Variants in MED13L observed in about 807,000 individuals in gnomAD.
MED13L encodes mediator complex subunit 13L.
In MED13L, 7 loss-of-function variants were observed where a neutral mutation model predicts 220.9. The observed-to-expected ratio is 0.03, with a 90% CI of 0.02 to 0.06. MED13L has a LOEUF of 0.06. MED13L is among the 10% of genes least tolerant of loss of function. The probability of loss-of-function intolerance (pLI) is 1.00; values close to 1 mark genes in which losing one functional copy is unlikely to be tolerated. For missense variants in MED13L, 1,965 were observed against 2,760.5 expected, an observed-to-expected ratio of 0.71 and a Z score of 6.46; for synonymous variants, 1,011 against 1,015.2, an observed-to-expected ratio of 1.00 and a Z score of 0.08.
chr12:116,273,561 C>CA (rs1026376211), intron 1 of MED13L, among the ~76,000 whole-genome samples: 2 of 146,820 alleles, frequency 1.4e-5, no homozygotes, highest in African/African-American at 4.9e-5. Flanking sequence ...TCCCTTAAGA[C>CA]AAAAAGAAAG....
In MED13L at chr12:116,237,592, G is replaced by A; in HGVS notation, c.186C>T (p.Arg62=). ...CACAAAGCAGGTTAGCTTGCAGACA[G>A]CGGATGAAACTTAACAGAATTGGAT... ...QDDPILLSFI[R]CLQANLLCVW... Residue 62 remains arginine (R), a synonymous_variant, in exon 2 of 31, where the codon CGC becomes CGT. Coordinates refer to ENST00000281928, the MANE Select transcript of MED13L (RefSeq NM_015335.5). The A allele has an allele frequency of 2.5e-6, 4 of 1,614,158 alleles. No homozygotes were observed. Among genetic ancestry groups the A allele is most frequent in the Non-Finnish European group, 3.4e-6 (4 of 1,180,030 alleles).
chr12:116,049,592 A>C (rs543412111), intron 4 of MED13L, among the ~76,000 whole-genome samples: 14 of 152,360 alleles, frequency 9.2e-5, no homozygotes, highest in African/African-American at 3.4e-4. Context: ...CCTCGAATTT[A>C]CACTTCTGAA....
intron 3 of MED13L, among the ~76,000 whole-genome samples, chr12:116,109,475 T>C (rs1199606369): frequency 6.6e-6 from 1 of 152,128 alleles, no homozygotes; most frequent in Admixed American, 6.5e-5. Context: ...AAGAATGTAA[T>C]TCATTTTCGC....
chr12:116,227,451 G>A (rs555660125), intron 2 of MED13L, among the ~76,000 whole-genome samples: 8 of 152,244 alleles, frequency 5.3e-5, no homozygotes, highest in East Asian at 1.9e-4. Flanking sequence ...GCCTATCAGC[G>A]CCATTTTTCA....
At chr12:115,966,647 G>A (rs1007093330) in intron 28 of MED13L, among the ~76,000 whole-genome samples, 2 of 152,188 alleles carry the variant, frequency 1.3e-5, no homozygotes, top group African/African-American at 4.8e-5. Flanking sequence ...CCAGGACAAT[G>A]TGACACCAGT....
intron 2 of MED13L, among the ~76,000 whole-genome samples, chr12:116,202,260 C>T (rs1358428085): frequency 6.6e-6 from 1 of 152,146 alleles, no homozygotes; most frequent in East Asian, 1.9e-4. Flanking sequence ...CTCTGAAATC[C>T]ATATTCAGTA....
intron 4 of MED13L, among the ~76,000 whole-genome samples, chr12:116,085,263 T>C (rs780128718): frequency 6.6e-6 from 1 of 152,072 alleles, no homozygotes; most frequent in African/African-American, 2.4e-5. Flanking sequence ...AAAATACTCA[T>C]AGTAAAATAA....
chr12:115,978,751 G>C (rs1416756629), intron 23 of MED13L, among the ~76,000 whole-genome samples: 1 of 152,200 alleles, frequency 6.6e-6, no homozygotes, highest in Non-Finnish European at 1.5e-5. Flanking sequence ...ATGGCTAAAT[G>C]TGAAATATCT....
At chr12:116,027,849 A>C (rs779390476) in intron 4 of MED13L, among the ~76,000 whole-genome samples, 1 of 152,240 alleles carries the variant, frequency 6.6e-6, no homozygotes, top group Non-Finnish European at 1.5e-5. Context: ...CCAAGTTACA[A>C]ATTCAACAAT....
chr12:116,277,509 C>T lies in MED13L; in HGVS notation c.-378G>A, dbSNP rs2138618841. 2.0e-5 allele frequency among the ~76,000 whole-genome samples: 3 copies of T among 148,708 alleles called. No homozygotes were observed. In the East Asian group the frequency reaches 6.0e-4, roughly 30 times the overall value. ...GGGAGGCGAGCCCCGGAGCCGCCGCCGCCGCCTCGGAGCCGCCGCCGCCGC... is the reference window on the plus strand; with the variant it reads ...GGGAGGCGAGCCCCGGAGCCGCCGCTGCCGCCTCGGAGCCGCCGCCGCCGC... On this transcript the variant is annotated 5_prime_UTR_variant, in exon 1 of 31. Coordinates refer to ENST00000281928, the MANE Select transcript of MED13L (RefSeq NM_015335.5).
chr12:116,015,097 G>A lies in MED13L; in HGVS notation c.1175+12C>T, dbSNP rs554820958. On this transcript the variant is annotated intron_variant, in intron 8 of 30. Coordinates refer to ENST00000281928, the MANE Select transcript of MED13L (RefSeq NM_015335.5). The stretch of plus-strand genomic sequence containing the variant: ...ACTAAACTATGATCTAGACATAATC[G>A]AGAAAACTTACTTGGACTGGGTTCT... The A allele has an allele frequency of 5.8e-5, 93 of 1,609,558 alleles. 1 individual carries two copies. Among genetic ancestry groups the A allele is most frequent in the Middle Eastern group, 1.7e-4 (1 of 6,048 alleles).
At chr12:115,994,787 A>C (rs983316399) in intron 16 of MED13L, among the ~76,000 whole-genome samples, 6 of 152,226 alleles carry the variant, frequency 3.9e-5, no homozygotes, top group African/African-American at 1.2e-4. Flanking sequence ...AGTAAGCTAG[A>C]GTACAATCGG....
intron 4 of MED13L, among the ~76,000 whole-genome samples, chr12:116,058,981 TA>T (rs746450516): frequency 4.6e-5 from 7 of 152,250 alleles, no homozygotes; most frequent in South Asian, 2.1e-4. Context: ...GAAAAACACA[TA>T]AAAAAAGGTT....
At chr12:116,003,279 TG>T (rs1878858780) in intron 13 of MED13L, among the ~76,000 whole-genome samples, 177 bp from the exon 14 acceptor site, 1 of 152,184 alleles carries the variant, frequency 6.6e-6, no homozygotes, top group Non-Finnish European at 1.5e-5. Flanking sequence ...GCTTATCAAG[TG>T]TAAGAAACAG....
In MED13L at chr12:115,983,024, C is replaced by T. The variant is rs1035250807; in HGVS notation, c.4955+93G>A. On this transcript the variant is annotated intron_variant, in intron 21 of 30. Transcript: ENST00000281928. ...GAAATAGAGCACTTCATAGGATTCACAGAATCATGAGGTCAAGGGAGAAAA... is the reference window on the plus strand; with the variant it reads ...GAAATAGAGCACTTCATAGGATTCATAGAATCATGAGGTCAAGGGAGAAAA... 2.9e-6 allele frequency: 4 copies of T among 1,374,838 alleles called. No individual in the cohort carries two copies. The Admixed American group carries it at 6.9e-5, about 24-fold the overall frequency. 85.2% of individuals were successfully genotyped at this position (1,374,838 alleles called of 1,614,324 possible).
intron 2 of MED13L, among the ~76,000 whole-genome samples, chr12:116,116,035 T>C (rs891928796): frequency 6.6e-6 from 1 of 152,242 alleles, no homozygotes; most frequent in Non-Finnish European, 1.5e-5. Flanking sequence ...CGTCGTAATA[T>C]TGTGAAACAC....
chr12:116,266,031 A>C (rs1313724382), intron 1 of MED13L, among the ~76,000 whole-genome samples: 2 of 152,238 alleles, frequency 1.3e-5, no homozygotes, highest in African/African-American at 2.4e-5. Flanking sequence ...TTTTTTCCGC[A>C]TATCAGTCTA....
At chr12:115,989,029 T>C (rs898988436) in intron 17 of MED13L, among the ~76,000 whole-genome samples, 17 of 152,336 alleles carry the variant, frequency 1.1e-4, no homozygotes, top group Non-Finnish European at 2.2e-4. Context: ...CTTAGTCATC[T>C]CTACCTCCAT....
intron 11 of MED13L, chr12:116,007,113 A>G: frequency 2.4e-6 from 1 of 413,092 alleles, no homozygotes; most frequent in Non-Finnish European, 4.5e-6. Context: ...TTTAAAAGAA[A>G]TAGGGAGCAT....
Sources: allele counts gnomAD v4.1 joint callset (sites outside exome capture counted in the v4.1 genomes callset), GRCh38; gene constraint gnomAD v4.1.1; transcripts MANE v1.5; gene names NCBI Gene and HGNC (gene_info 2026-07-23, HGNC 2026-07-21).